The following DDX10 variants were observed in gnomAD, a reference collection of about 807,000 sequenced individuals.
The protein encoded by DDX10 is probable ATP-dependent RNA helicase DDX10.
DDX10 carries 74 observed loss-of-function variants against 104.3 expected under a neutral mutation model. The observed-to-expected ratio is 0.71, with a 90% CI of 0.59 to 0.86. The LOEUF (loss-of-function observed/expected upper bound fraction) is 0.86, where lower values mean the gene tolerates loss of function less well. DDX10 is among the 40% of genes least tolerant of loss of function. The pLI, the probability that DDX10 is intolerant of heterozygous loss-of-function variation, is 0.00. For missense variants in DDX10, 952 were observed against 1,040.0 expected (o/e 0.92, Z 1.16); for synonymous variants, 351 against 353.4 (o/e 0.99, Z 0.08).
chr11:108,703,518 C>T (rs2094271500), intron 9 of DDX10, among the ~76,000 whole-genome samples: 1 of 152,228 alleles, frequency 6.6e-6, no homozygotes, highest in African/African-American at 2.4e-5. Context: ...TTAGTAGAGA[C>T]AGGGTTTCAC....
chr11:108,785,175 T>G (rs1478617918), intron 13 of DDX10, among the ~76,000 whole-genome samples: 1 of 152,184 alleles, frequency 6.6e-6, no homozygotes, highest in African/African-American at 2.4e-5. Context: ...CTGCCTCTAT[T>G]GAAATGATCA....
At position 108,719,789 on chromosome 11, in the gene DDX10, A is replaced by T. The variant is rs1192204977; in HGVS notation, c.1411-8A>T. On this transcript the variant is annotated splice_polypyrimidine_tract_variant and splice_region_variant and intron_variant, in intron 11 of 17. Coordinates refer to ENST00000322536, the MANE Select transcript of DDX10 (RefSeq NM_004398.4). ...TTATATTGTACTTTTCAACCTCTTA[A>T]TTTACAGTGTTTCGTCTCCTATGTA... 6.4e-7 allele frequency: 1 copy of T among 1,556,398 alleles called. No individual in the cohort carries two copies.
intron 13 of DDX10, among the ~76,000 whole-genome samples, chr11:108,746,640 C>T (rs913287036): frequency 6.6e-6 from 1 of 152,092 alleles, no homozygotes; most frequent in Admixed American, 6.5e-5. Flanking sequence ...AGACTGTTTT[C>T]CAAGGTGGCA....
intron 16 of DDX10, among the ~76,000 whole-genome samples, chr11:108,855,686 C>T (rs1041329239): frequency 5.9e-5 from 9 of 152,066 alleles, no homozygotes; most frequent in African/African-American, 2.2e-4. Context: ...GTCTTGATCT[C>T]CTGACCCCGT....
intron 13 of DDX10, among the ~76,000 whole-genome samples, chr11:108,739,814 C>G (rs1271917983): frequency 6.6e-6 from 1 of 152,070 alleles, no homozygotes; most frequent in Non-Finnish European, 1.5e-5. Context: ...TGAAATCATT[C>G]CTAAACCTAA....
Position 108,665,241 on chromosome 11 carries a change from A to T in DDX10, c.88A>T (p.Arg30Trp). ...FNRWKKKHSH[R>W]QNKKKQLRKQ... ...TCGCTGGAAGAAAAAACACAGCCATAGGCAGAACAAAAAGAAGCAGTTGAG... is the reference window on the plus strand; with the variant it reads ...TCGCTGGAAGAAAAAACACAGCCATTGGCAGAACAAAAAGAAGCAGTTGAG... The change falls in exon 1 of 18, where the codon AGG (arginine) becomes TGG (tryptophan). Residue 30 changes from arginine (R) to tryptophan (W), a missense_variant. Around this residue, in one of 3 missense-constraint regions of DDX10, gnomAD observed 412 missense variants for 479.2 expected, o/e 0.86. Coordinates refer to ENST00000322536, the MANE Select transcript of DDX10 (RefSeq NM_004398.4). 1.2e-6 allele frequency: 2 copies of T among 1,613,000 alleles called. No individual in the cohort carries two copies. Among genetic ancestry groups the T allele is most frequent in the Non-Finnish European group, 1.7e-6 (2 of 1,179,578 alleles).
intron 13 of DDX10, among the ~76,000 whole-genome samples, chr11:108,745,940 CATTT>C (rs2094331362): frequency 6.6e-6 from 1 of 151,998 alleles, no homozygotes; most frequent in Non-Finnish European, 1.5e-5. Flanking sequence ...ACAATTTAGT[CATTT>C]AAAGTATGTA....
intron 6 of DDX10, among the ~76,000 whole-genome samples, chr11:108,686,326 A>G (rs370132604): frequency 5.3e-5 from 8 of 152,038 alleles, no homozygotes; most frequent in African/African-American, 1.9e-4. Context: ...AATTTATGAT[A>G]ACATATGTCT....
At chr11:108,799,987 TAGCTCACTGCAGCCTCCAA>T (rs570097177) in intron 13 of DDX10, among the ~76,000 whole-genome samples, 154 of 152,204 alleles carry the variant, frequency 1.0e-3, no homozygotes, top group Admixed American at 1.5e-3. Context: ...GGCACCATCA[TAGCTCACTGCAGCCTCCAA>T]AGCTCACTAT....
chr11:108,779,781 G>A (rs1335464608), intron 13 of DDX10, among the ~76,000 whole-genome samples: 1 of 152,170 alleles, frequency 6.6e-6, no homozygotes, highest in African/African-American at 2.4e-5. Flanking sequence ...CTGTTGGGTT[G>A]TTTCTGAATT....
intron 1 of DDX10, among the ~76,000 whole-genome samples, chr11:108,667,684 A>G (rs1291629564): frequency 6.6e-6 from 1 of 152,204 alleles, no homozygotes; most frequent in Non-Finnish European, 1.5e-5. Context: ...TGAATTGTAC[A>G]TGCTTCTTGT....
chr11:108,808,422 A>G (rs977158036), intron 13 of DDX10, among the ~76,000 whole-genome samples: 1 of 152,118 alleles, frequency 6.6e-6, no homozygotes, highest in African/African-American at 2.4e-5. Context: ...TGTTAGAATA[A>G]TACCTACTTT....
chr11:108,676,275 A>G (rs2094225013), intron 3 of DDX10, among the ~76,000 whole-genome samples: 2 of 152,114 alleles, frequency 1.3e-5, no homozygotes, highest in Admixed American at 6.5e-5. Context: ...TTTCATTCCT[A>G]TAAAATGACC....
At chr11:108,901,696 C>G (rs775367940) in intron 16 of DDX10, among the ~76,000 whole-genome samples, 2 of 152,064 alleles carry the variant, frequency 1.3e-5, no homozygotes, top group Non-Finnish European at 2.9e-5. Context: ...GAAATTTTTC[C>G]TCTGTGGCTC....
At chr11:108,767,694 G>T (rs1426304694) in intron 13 of DDX10, among the ~76,000 whole-genome samples, 3 of 152,178 alleles carry the variant, frequency 2.0e-5, no homozygotes. Context: ...ATTAACTCAT[G>T]ATTTAGTACA....
chr11:108,911,905 G>A (rs554864555), intron 16 of DDX10, among the ~76,000 whole-genome samples: 85 of 152,214 alleles, frequency 5.6e-4, no homozygotes, highest in African/African-American at 1.8e-3. Flanking sequence ...CATTCAGACC[G>A]TAGCATGTTT....
intron 6 of DDX10, among the ~76,000 whole-genome samples, chr11:108,685,327 G>A (rs1476637752): frequency 1.3e-5 from 2 of 151,102 alleles, no homozygotes; most frequent in African/African-American, 2.4e-5. Flanking sequence ...TCTTTGACTC[G>A]GAAAGGGAAC....
At chr11:108,707,160 G>A (rs1336168466) in intron 10 of DDX10, among the ~76,000 whole-genome samples, 1 of 152,026 alleles carries the variant, frequency 6.6e-6, no homozygotes, top group African/African-American at 2.4e-5. Context: ...CATTCTTGGT[G>A]GTGTCCATTC....
At chr11:108,819,606 T>A (rs1862298993) in intron 13 of DDX10, among the ~76,000 whole-genome samples, 1 of 152,140 alleles carries the variant, frequency 6.6e-6, no homozygotes, top group Non-Finnish European at 1.5e-5. Context: ...TTTCTTTTTT[T>A]CTTTTTTTTT....
Sources: allele counts gnomAD v4.1 joint callset (sites outside exome capture counted in the v4.1 genomes callset), GRCh38; gene constraint gnomAD v4.1.1; regional missense constraint gnomAD v4.1.1; transcripts MANE v1.5; gene names NCBI Gene and HGNC (gene_info 2026-07-23, HGNC 2026-07-21).